Variants in PLCB1 observed in about 807,000 individuals in gnomAD.
The protein encoded by PLCB1 is phospholipase C beta 1.
PLCB1 carries 46 observed loss-of-function variants against 161.8 expected under a neutral mutation model. The observed-to-expected ratio is 0.28, with a 90% confidence interval of 0.22 to 0.36. The LOEUF is 0.36. Among genes scored for constraint, PLCB1 ranks in the 10% least tolerant of loss-of-function variants. The probability of loss-of-function intolerance (pLI) is 1.00; values close to 1 mark genes in which losing one functional copy is unlikely to be tolerated. For synonymous variants in PLCB1, 517 were observed against 503.7 expected, an observed-to-expected ratio of 1.03 and a Z score of -0.35; for missense variants, 1,016 against 1,472.5, an observed-to-expected ratio of 0.69 and a Z score of 5.07.
intron 3 of PLCB1, among the ~76,000 whole-genome samples, chr20:8,518,880 C>T (rs1305572371): frequency 6.6e-6 from 1 of 151,736 alleles, no homozygotes; most frequent in East Asian, 1.9e-4. Flanking sequence ...AGTGAAAGAT[C>T]ATCAGGTGTT....
At chr20:8,670,145 A>AAG (rs142212403) in intron 9 of PLCB1, among the ~76,000 whole-genome samples, 1,874 of 152,308 alleles carry the variant, frequency 0.012, 33 homozygotes, top group African/African-American at 0.035. Context: ...AGCTGTACTT[A>AAG]AGAGAGACAG....
intron 3 of PLCB1, among the ~76,000 whole-genome samples, chr20:8,487,072 C>A (rs1982761018): frequency 6.6e-6 from 1 of 152,144 alleles, no homozygotes; most frequent in South Asian, 2.1e-4. Flanking sequence ...CAAATTGTTT[C>A]TATTTTCTTT....
chr20:8,417,080 T>A (rs1227624249), intron 3 of PLCB1, among the ~76,000 whole-genome samples: 724 of 62,932 alleles, frequency 0.012, 27 homozygotes, highest in African/African-American at 0.043. Flanking sequence ...TATATTTTTT[T>A]TTTTTTTTTT....
intron 31 of PLCB1, among the ~76,000 whole-genome samples, chr20:8,840,700 C>G (rs369245784): frequency 3.9e-5 from 6 of 152,298 alleles, no homozygotes; most frequent in African/African-American, 9.6e-5. Flanking sequence ...ATTTCATTTT[C>G]TATTTGAATT....
chr20:8,859,574 G>GT (rs1383656579), intron 31 of PLCB1, among the ~76,000 whole-genome samples: 220 of 151,862 alleles, frequency 1.4e-3, no homozygotes, highest in African/African-American at 4.9e-3. Flanking sequence ...AAAACCTTTT[G>GT]GTTTTTTTTT....
At chr20:8,396,589 G>A (rs768775373) in intron 3 of PLCB1, among the ~76,000 whole-genome samples, 2 of 152,026 alleles carry the variant, frequency 1.3e-5, no homozygotes, top group Non-Finnish European at 2.9e-5. Context: ...GAAAAACAAG[G>A]TGGGAAGAGT....
intron 2 of PLCB1, among the ~76,000 whole-genome samples, chr20:8,175,868 G>A (rs1041871753): frequency 3.3e-5 from 5 of 152,010 alleles, no homozygotes; most frequent in African/African-American, 4.8e-5. Flanking sequence ...TGGGTAAAAG[G>A]TCTAAGTAGA....
At chr20:8,530,565 T>C (rs1984770042) in intron 3 of PLCB1, among the ~76,000 whole-genome samples, 1 of 152,142 alleles carries the variant, frequency 6.6e-6, no homozygotes, top group African/African-American at 2.4e-5. Flanking sequence ...TTCAGCATGA[T>C]ACCAATACTT....
At chr20:8,575,572 T>C (rs1400476774) in intron 3 of PLCB1, among the ~76,000 whole-genome samples, 1 of 152,218 alleles carries the variant, frequency 6.6e-6, no homozygotes, top group African/African-American at 2.4e-5. Context: ...TATTTAGAGA[T>C]GAATTCCCCC....
chr20:8,610,686 C>T (rs1191626627), intron 3 of PLCB1, among the ~76,000 whole-genome samples: 1 of 151,980 alleles, frequency 6.6e-6, no homozygotes, highest in African/African-American at 2.4e-5. Context: ...TGATAGTGTC[C>T]TTTGTAGCAC....
chr20:8,272,116 A>G (rs557716755), intron 2 of PLCB1, among the ~76,000 whole-genome samples: 53 of 152,226 alleles, frequency 3.5e-4, no homozygotes, highest in African/African-American at 1.2e-3. Flanking sequence ...GGCAAAAAGA[A>G]GAGCTTAGAT....
chr20:8,498,928 G>T (rs866247126), intron 3 of PLCB1, among the ~76,000 whole-genome samples: 21 of 152,230 alleles, frequency 1.4e-4, no homozygotes, highest in Admixed American at 2.6e-4. Flanking sequence ...GTACAGCACG[G>T]GTCATTAGTA....
At chr20:8,774,511 T>C (rs934126372) in intron 26 of PLCB1, 28 bp from the exon 27 acceptor site, 1 of 1,567,708 alleles carries the variant, frequency 6.4e-7, no homozygotes, top group Non-Finnish European at 8.7e-7. Flanking sequence ...CCTGTCTGTT[T>C]TGTGAGTCAA....
chr20:8,442,986 G>GT (rs962104017), intron 3 of PLCB1, among the ~76,000 whole-genome samples: 9,283 of 137,814 alleles, frequency 0.067, 320 homozygotes, highest in African/African-American at 0.078. Flanking sequence ...TTTTTTTTTT[G>GT]TTTTTTTTTT....
chr20:8,624,303 A>G (rs1263130343), intron 3 of PLCB1, among the ~76,000 whole-genome samples: 3 of 152,200 alleles, frequency 2.0e-5, no homozygotes, highest in Non-Finnish European at 4.4e-5. Flanking sequence ...AAATTAACCT[A>G]CACAAATCAT....
At chr20:8,488,294 C>G (rs759162913) in intron 3 of PLCB1, among the ~76,000 whole-genome samples, 4 of 151,690 alleles carry the variant, frequency 2.6e-5, no homozygotes, top group Admixed American at 1.3e-4. Context: ...GTAGATTATT[C>G]TACCTTACCA....
intron 4 of PLCB1, among the ~76,000 whole-genome samples, chr20:8,642,203 G>A (rs756426006): frequency 2.2e-4 from 34 of 152,048 alleles, no homozygotes; most frequent in Non-Finnish European, 3.5e-4. Flanking sequence ...AGATAAAAAC[G>A]AGAGCACTTT....
chr20:8,665,553 C>A (rs1028146055), intron 9 of PLCB1, among the ~76,000 whole-genome samples: 1 of 151,998 alleles, frequency 6.6e-6, no homozygotes, highest in Non-Finnish European at 1.5e-5. Flanking sequence ...TGGCATGTCA[C>A]ATCTGTGCAC....
At chr20:8,604,252 C>CAA (rs34186286) in intron 3 of PLCB1, among the ~76,000 whole-genome samples, 3,901 of 51,362 alleles carry the variant, frequency 0.076, 485 homozygotes, top group African/African-American at 0.094. Context: ...GGCCCTGTCT[C>CAA]AAAAAAAAAA....
Sources: allele counts gnomAD v4.1 joint callset (sites outside exome capture counted in the v4.1 genomes callset), GRCh38; gene constraint gnomAD v4.1.1; transcripts MANE v1.5; gene names NCBI Gene and HGNC (gene_info 2026-07-23, HGNC 2026-07-21).